PLIN3: variants seen among roughly 807,000 people sequenced by gnomAD.
PLIN3 encodes the protein perilipin-3.
Under a neutral mutation model 35.9 loss-of-function variants are expected in PLIN3, and 30 were observed. That is an observed-to-expected ratio of 0.84 (90% CI 0.62 to 1.13). The LOEUF (loss-of-function observed/expected upper bound fraction) is 1.13, where lower values mean the gene tolerates loss of function less well. Among genes scored for constraint, PLIN3 ranks in the 50% most tolerant of loss-of-function variants. The pLI, the probability that PLIN3 is intolerant of heterozygous loss-of-function variation, is 0.00. For missense variants in PLIN3, 603 were observed against 596.9 expected, an observed-to-expected ratio of 1.01 and a Z score of -0.11; for synonymous variants, 261 against 262.5, an observed-to-expected ratio of 0.99 and a Z score of 0.06.
intron 7 of PLIN3, among the ~76,000 whole-genome samples, chr19:4,841,484 G>A (rs2029890543): frequency 6.6e-6 from 1 of 152,060 alleles, no homozygotes; most frequent in Non-Finnish European, 1.5e-5. Context: ...ATGGGAAAAG[G>A]GTTTCTTTTT....
chr19:4,839,298 G>A lies in PLIN3; in HGVS notation c.1199C>T (p.Ala400Val), dbSNP rs760980423. ...SRERVASARE[A>V]LDHMVEYVAQ... ...CACATATTCCACCATGTGGTCCAGG[G>A]CCTCGCGGGCGCTGGCGACACGCTC... The change falls in exon 8 of 8, where the codon GCC becomes GTC. Residue 400 changes from alanine (A) to valine (V), a missense_variant. Ala to Val is a moderately conservative substitution (Grantham distance 64, BLOSUM62 0). Coordinates refer to ENST00000221957, the MANE Select transcript of PLIN3 (RefSeq NM_005817.5). The A allele has an allele frequency of 6.2e-7, 1 of 1,614,086 alleles. No homozygotes were observed. Among genetic ancestry groups the A allele is most frequent in the Non-Finnish European group, 8.5e-7 (1 of 1,180,012 alleles).
At position 4,863,559 on chromosome 19, in the gene PLIN3, C is replaced by A. The variant is rs551911175; in HGVS notation, c.-17-2148G>T. Among the ~76,000 whole-genome samples the A allele has an allele frequency of 4.0e-5, 6 of 150,370 alleles. No individual in the cohort carries two copies. The South Asian group carries it at 8.4e-4, about 21-fold the overall frequency. On this transcript the variant is annotated intron_variant, in intron 1 of 7. Transcript: ENST00000221957. ...ATGGGCCAGATGTGGTGGGTCACACCTCTAATCCCAGCACTTTGGGAGGCC... is the reference window on the plus strand; with the variant it reads ...ATGGGCCAGATGTGGTGGGTCACACATCTAATCCCAGCACTTTGGGAGGCC...
chr19:4,865,476 G>A (rs1339771175), intron 1 of PLIN3, among the ~76,000 whole-genome samples: 5 of 149,684 alleles, frequency 3.3e-5, no homozygotes, highest in Non-Finnish European at 7.4e-5. Flanking sequence ...GTGACAGAGG[G>A]AGACTCCGTT....
intron 1 of PLIN3, among the ~76,000 whole-genome samples, chr19:4,867,344 A>G (rs2030892667): frequency 6.6e-6 from 1 of 152,194 alleles, no homozygotes; most frequent in Non-Finnish European, 1.5e-5. Flanking sequence ...CACCCCCTTC[A>G]ATATCACCCC....
intron 7 of PLIN3, among the ~76,000 whole-genome samples, chr19:4,843,995 A>T (rs1816626256): frequency 6.6e-6 from 1 of 152,146 alleles, no homozygotes; most frequent in Non-Finnish European, 1.5e-5. Flanking sequence ...TTTGAGACAG[A>T]ATCTCCTTCT....
chr19:4,847,720 G>T lies in PLIN3; in HGVS notation c.805C>A (p.Leu269Met). 6.2e-7 allele frequency: 1 copy of T among 1,608,816 alleles called. No homozygotes were observed. Among genetic ancestry groups the T allele is most frequent in the Non-Finnish European group, 8.5e-7 (1 of 1,178,146 alleles). ...CTTAGGACCTGCGACAGCTGCAGCA[G>T]AGCCTCCTGTGCCCTCTGCTTGGTG... is the stretch of plus-strand genomic sequence containing the variant. Reference protein sequence around the residue: ...RATKQRAQEALLQLSQVLSLM... With the variant: ...RATKQRAQEAMLQLSQVLSLM... Residue 269 changes from leucine to methionine, a missense_variant, in exon 6 of 8, where the codon CTG (leucine) becomes ATG (methionine). Leu to Met is a conservative substitution (Grantham distance 15). Coordinates refer to ENST00000221957, the MANE Select transcript of PLIN3 (RefSeq NM_005817.5).
Position 4,859,874 on chromosome 19 carries a change from C to T in PLIN3, c.217G>A (p.Ala73Thr). ...AEKGVRTLTA[A>T]AVSGAQPILS... ...ATCGGCTGAGCCCCGCTGACAGCAG[C>T]CGCCGTGAGGGTCCTCACTCCCTTC... The change falls in exon 3 of 8, where the codon GCT becomes ACT. Residue 73 changes from alanine to threonine, a missense_variant. By Grantham distance (58) the Ala-to-Thr change is moderately conservative. Transcript: ENST00000221957. The T allele has an allele frequency of 6.2e-7, 1 of 1,613,486 alleles. No individual in the cohort carries two copies. The highest frequency in any genetic ancestry group is 1.3e-5 in the African/African-American group (1 of 75,044).
rs2029949901 is a variant in PLIN3, at chr19:4,842,997, G to C, written c.960+1671C>G. 2.6e-5 allele frequency among the ~76,000 whole-genome samples: 4 copies of C among 152,076 alleles called. No individual in the cohort carries two copies. The Middle Eastern group carries it at 0.01, about 388-fold the overall frequency. On this transcript the variant is annotated intron_variant, in intron 7 of 7. Transcript: ENST00000221957. ...GCACTTTGGGAGGCCGATGTGGGCG[G>C]ATCACCTGCGGTCAGGAGTTTGAGA...
At chr19:4,858,270 C>CAAAAAAAA (rs1188330437) in intron 4 of PLIN3, among the ~76,000 whole-genome samples, 1 of 51,242 alleles carries the variant, frequency 2.0e-5, no homozygotes, top group Non-Finnish European at 3.3e-5. Context: ...GACCCCGTCT[C>CAAAAAAAA]AAAAAAAAAA....
At chr19:4,855,449 G>A (rs1405959162) in intron 4 of PLIN3, among the ~76,000 whole-genome samples, 1 of 152,010 alleles carries the variant, frequency 6.6e-6, no homozygotes, top group Non-Finnish European at 1.5e-5. Context: ...TGTAAGCTCA[G>A]CAGTTTCCAT....
chr19:4,841,626 T>C (rs930428214), intron 7 of PLIN3, among the ~76,000 whole-genome samples: 1 of 139,200 alleles, frequency 7.2e-6, no homozygotes, highest in Non-Finnish European at 1.6e-5. Context: ...AAAGGCTGGG[T>C]GCGGTGGCTC....
chr19:4,845,912 C>T lies in PLIN3; in HGVS notation c.835-1119G>A, dbSNP rs186648703. On this transcript the variant is annotated intron_variant, in intron 6 of 7. Coordinates refer to ENST00000221957, the MANE Select transcript of PLIN3 (RefSeq NM_005817.5). ...CTGCACTCCAGCCTGGGTGACAGAG[C>T]GAGACTCCGTCTCAAAAAAAAAAAA... Among the ~76,000 whole-genome samples, 194 of 116,822 alleles carry T rather than the reference C, an allele frequency of 1.7e-3. 1 individual carries two copies. The highest frequency in any genetic ancestry group is 0.012 in the East Asian group (45 of 3,872). The allele number at this position is 116,822 out of a possible 152,430, so 76.6% of individuals were successfully genotyped here.
intron 6 of PLIN3, 41 bp downstream of exon 6, chr19:4,847,650 G>GAAGGCTGCTGGCTC (rs751190295): frequency 1.1e-5 from 17 of 1,522,432 alleles, no homozygotes; most frequent in Non-Finnish European, 1.5e-5. Context: ...GCTGCGGGGT[G>GAAGGCTGCTGGCTC]AAGGCTGCTG....
intron 5 of PLIN3, among the ~76,000 whole-genome samples, chr19:4,851,362 G>A (rs1008140186): frequency 6.6e-6 from 1 of 152,110 alleles, no homozygotes; most frequent in Non-Finnish European, 1.5e-5. Flanking sequence ...TACTCAGGAG[G>A]ATGAGGCAGG....
intron 7 of PLIN3, among the ~76,000 whole-genome samples, 194 bp from the exon 8 acceptor site, chr19:4,839,730 A>G (rs1016395632): frequency 7.3e-5 from 11 of 151,688 alleles, no homozygotes; most frequent in African/African-American, 2.2e-4. Context: ...CAGTGGCACA[A>G]TCTCAACTCA....
At position 4,858,870 on chromosome 19, in the gene PLIN3, T is replaced by C. The variant is rs567024558; in HGVS notation, c.348+720A>G. ...GCACCCGCTACCACACCCAGATAAATTTTGTATTTTTAGTAGAGACGGGGT... is the reference window on the plus strand; with the variant it reads ...GCACCCGCTACCACACCCAGATAAACTTTGTATTTTTAGTAGAGACGGGGT... On this transcript the variant is annotated intron_variant, in intron 4 of 7. Coordinates refer to ENST00000221957, the MANE Select transcript of PLIN3 (RefSeq NM_005817.5). Among the ~76,000 whole-genome samples, 19 of 151,614 alleles carry C rather than the reference T, an allele frequency of 1.3e-4. No homozygotes were observed. The South Asian group carries it at 3.7e-3, about 30-fold the overall frequency.
At chr19:4,863,288 A>C (rs8103635) in intron 1 of PLIN3, among the ~76,000 whole-genome samples, 14,063 of 152,066 alleles carry the variant, frequency 0.092, 904 homozygotes, top group East Asian at 0.3. Context: ...ACCTGAGGTC[A>C]GGAGTTCGAG....
chr19:4,858,522 C>T (rs1454064394), intron 4 of PLIN3, among the ~76,000 whole-genome samples: 2 of 150,612 alleles, frequency 1.3e-5, no homozygotes, highest in African/African-American at 4.9e-5. Context: ...GGACTACAGG[C>T]ACACGCCACC....
intron 1 of PLIN3, chr19:4,866,591 A>G (rs1220940598): frequency 6.6e-6 from 1 of 152,208 alleles, no homozygotes. Flanking sequence ...GCTAGGTACA[A>G]AAGTCCCCCA....
Sources: allele counts gnomAD v4.1 joint callset (sites outside exome capture counted in the v4.1 genomes callset), GRCh38; gene constraint gnomAD v4.1.1; transcripts MANE v1.5; gene names NCBI Gene and HGNC (gene_info 2026-07-23, HGNC 2026-07-21).